The following TAFA2 variants were observed in gnomAD, a reference collection of about 807,000 sequenced individuals.
The protein encoded by TAFA2 is TAFA chemokine like family member 2.
Under a neutral mutation model 18.8 loss-of-function variants are expected in TAFA2, and 7 were observed. That is an observed-to-expected ratio of 0.37 (90% confidence interval 0.21 to 0.70). The LOEUF is 0.70. TAFA2 is among the 30% of genes least tolerant of loss of function. The pLI is 0.53. For synonymous variants in TAFA2, 60 were observed against 54.2 expected, an observed-to-expected ratio of 1.11 and a Z score of -0.47; for missense variants, 122 against 158.1, an observed-to-expected ratio of 0.77 and a Z score of 1.23.
intron 1 of TAFA2, among the ~76,000 whole-genome samples, chr12:62,187,088 T>C (rs149835849): frequency 5.3e-5 from 8 of 152,262 alleles, no homozygotes; most frequent in Non-Finnish European, 4.4e-5. Context: ...TAATACATAG[T>C]TTGTGCATTG....
At chr12:62,230,376 T>C (rs1357243136) in intron 1 of TAFA2, among the ~76,000 whole-genome samples, 1 of 152,152 alleles carries the variant, frequency 6.6e-6, no homozygotes, top group African/African-American at 2.4e-5. Context: ...AGTACTGCTT[T>C]TACTAGATCC....
chr12:61,964,162 T>A (rs1878990019), intron 1 of TAFA2, among the ~76,000 whole-genome samples: 1 of 151,982 alleles, frequency 6.6e-6, no homozygotes, highest in Admixed American at 6.6e-5. Flanking sequence ...GACATAGGCA[T>A]GGGCAAAGAC....
At chr12:61,712,210 T>G (rs542352045) in intron 4 of TAFA2, among the ~76,000 whole-genome samples, 1 of 152,100 alleles carries the variant, frequency 6.6e-6, no homozygotes, top group South Asian at 2.1e-4. Context: ...GACTCTATGA[T>G]AGCAAGTGAC....
At chr12:61,803,207 C>T (rs1871467740) in intron 2 of TAFA2, among the ~76,000 whole-genome samples, 1 of 151,864 alleles carries the variant, frequency 6.6e-6, no homozygotes, top group Non-Finnish European at 1.5e-5. Context: ...ACTGGCAATA[C>T]TTACTAGTGA....
At chr12:61,954,991 T>C (rs1475193355) in intron 1 of TAFA2, among the ~76,000 whole-genome samples, 1 of 152,156 alleles carries the variant, frequency 6.6e-6, no homozygotes, top group East Asian at 1.9e-4. Context: ...ACTAAGATAA[T>C]ATAACCCTTC....
At chr12:61,880,966 A>T (rs1451496636) in intron 1 of TAFA2, among the ~76,000 whole-genome samples, 1 of 151,096 alleles carries the variant, frequency 6.6e-6, no homozygotes, top group Non-Finnish European at 1.5e-5. Context: ...AAAACAATTC[A>T]TTTTTTTTTC....
At chr12:61,979,082 A>T (rs1412369798) in intron 1 of TAFA2, among the ~76,000 whole-genome samples, 1 of 152,112 alleles carries the variant, frequency 6.6e-6, no homozygotes, top group Non-Finnish European at 1.5e-5. Context: ...AAACTAAATG[A>T]CATTTGCCAT....
intron 1 of TAFA2, among the ~76,000 whole-genome samples, chr12:62,165,199 C>G (rs1170238983): frequency 6.6e-6 from 1 of 152,022 alleles, no homozygotes; most frequent in African/African-American, 2.4e-5. Context: ...TTTCCCAGCC[C>G]TCTCTTCTTT....
At chr12:61,746,549 A>G (rs770099481) in intron 4 of TAFA2, among the ~76,000 whole-genome samples, 4 of 152,146 alleles carry the variant, frequency 2.6e-5, no homozygotes, top group Non-Finnish European at 4.4e-5. Flanking sequence ...AAGGTGAAAC[A>G]TATCCCTTAA....
At chr12:62,090,204 A>G (rs964314565) in intron 1 of TAFA2, among the ~76,000 whole-genome samples, 6 of 152,074 alleles carry the variant, frequency 3.9e-5, no homozygotes, top group African/African-American at 1.4e-4. Flanking sequence ...CCTCTAGTCC[A>G]GCAGAGTTAA....
chr12:61,971,207 T>A (rs918062756), intron 1 of TAFA2, among the ~76,000 whole-genome samples: 3 of 151,594 alleles, frequency 2.0e-5, no homozygotes, highest in African/African-American at 4.8e-5. Flanking sequence ...AAAATGGAAA[T>A]GTTATCTGGG....
chr12:62,221,622 G>T (rs2062763329), intron 1 of TAFA2, among the ~76,000 whole-genome samples: 1 of 152,112 alleles, frequency 6.6e-6, no homozygotes, highest in Non-Finnish European at 1.5e-5. Flanking sequence ...ATGGGTGTGG[G>T]ATAATTGGGA....
intron 1 of TAFA2, among the ~76,000 whole-genome samples, chr12:61,887,199 T>A (rs1471703313): frequency 6.6e-6 from 1 of 152,164 alleles, no homozygotes; most frequent in Non-Finnish European, 1.5e-5. Flanking sequence ...AAGACTTCTC[T>A]GCCCCTCCCC....
intron 2 of TAFA2, among the ~76,000 whole-genome samples, chr12:61,840,347 T>A (rs994244670): frequency 2.6e-5 from 4 of 152,066 alleles, no homozygotes; most frequent in African/African-American, 7.2e-5. Flanking sequence ...TCAGTGATAA[T>A]CTTATTTGGC....
At chr12:62,162,275 A>ATTTATT (rs2136931515) in intron 1 of TAFA2, among the ~76,000 whole-genome samples, 1 of 152,296 alleles carries the variant, frequency 6.6e-6, no homozygotes, top group South Asian at 2.1e-4. Context: ...TATGTGAGAA[A>ATTTATT]TTTATTTTTC....
intron 1 of TAFA2, among the ~76,000 whole-genome samples, chr12:62,225,838 T>G (rs1055170218): frequency 6.6e-6 from 1 of 152,200 alleles, no homozygotes; most frequent in African/African-American, 2.4e-5. Flanking sequence ...GGCAAAAGCA[T>G]AGAGAAACAG....
chr12:62,095,330 C>T (rs1342450829), intron 1 of TAFA2, among the ~76,000 whole-genome samples: 1 of 151,934 alleles, frequency 6.6e-6, no homozygotes, highest in Non-Finnish European at 1.5e-5. Context: ...AGTCGATTAA[C>T]AATTAAACAA....
At chr12:61,730,578 G>T (rs1040663530) in intron 4 of TAFA2, among the ~76,000 whole-genome samples, 1 of 152,072 alleles carries the variant, frequency 6.6e-6, no homozygotes, top group Non-Finnish European at 1.5e-5. Flanking sequence ...CATGGGCAGG[G>T]CTTGCTGCAG....
chr12:61,944,263 A>T (rs1366404620), intron 1 of TAFA2, among the ~76,000 whole-genome samples: 1 of 151,248 alleles, frequency 6.6e-6, no homozygotes, highest in Non-Finnish European at 1.5e-5. Flanking sequence ...CAACGAGAAC[A>T]AAGACACAAC....
Sources: allele counts gnomAD v4.1 joint callset (sites outside exome capture counted in the v4.1 genomes callset), GRCh38; gene constraint gnomAD v4.1.1; transcripts MANE v1.5; gene names NCBI Gene and HGNC (gene_info 2026-07-23, HGNC 2026-07-21).